GOSR1: variants seen among roughly 807,000 people sequenced by gnomAD.
The protein encoded by GOSR1 is 28 kDa Golgi SNARE protein.
A neutral mutation model predicts 35.5 loss-of-function variants in GOSR1; 21 were observed. The observed-to-expected ratio is 0.59, with a 90% CI of 0.42 to 0.85. The LOEUF is 0.85. GOSR1 is among the 40% of genes least tolerant of loss of function. The pLI is 0.00. For synonymous variants in GOSR1, 94 were observed against 106.6 expected (o/e 0.88, Z 0.73); for missense variants, 285 against 309.6 (o/e 0.92, Z 0.60).
At chr17:30,499,594 G>C (rs1036150622) in intron 6 of GOSR1, among the ~76,000 whole-genome samples, 6 of 152,186 alleles carry the variant, frequency 3.9e-5, no homozygotes, top group African/African-American at 1.4e-4. Context: ...ACCCGCCTTG[G>C]CCTCCCAAAG....
intron 7 of GOSR1, among the ~76,000 whole-genome samples, chr17:30,514,894 C>T (rs1020356072): frequency 6.6e-6 from 1 of 152,162 alleles, no homozygotes; most frequent in African/African-American, 2.4e-5. Flanking sequence ...TGAGCTCTTT[C>T]GTGAGAGACA....
chr17:30,513,994 T>G (rs745678749), intron 7 of GOSR1, among the ~76,000 whole-genome samples: 5 of 152,246 alleles, frequency 3.3e-5, no homozygotes, highest in Non-Finnish European at 5.9e-5. Flanking sequence ...AGCATAGGTT[T>G]GAAAGCTGTT....
Position 30,525,989 on chromosome 17 carries a change from C to T in GOSR1, c.*3611C>T, listed in dbSNP as rs1002988664. 4.6e-5 allele frequency: 7 copies of T among 152,212 alleles called. No individual in the cohort carries two copies. Among genetic ancestry groups the T allele is most frequent in the Non-Finnish European group, 7.3e-5 (5 of 68,058 alleles). 9.4% of individuals were successfully genotyped at this position (152,212 alleles called of 1,614,324 possible). A position where few individuals can be genotyped will look rare whatever the true frequency, so the allele number is the denominator to read the frequency against. On this transcript the variant is annotated 3_prime_UTR_variant, in exon 9 of 9. Coordinates refer to ENST00000451249, the MANE Select transcript of GOSR1 (RefSeq NM_001007025.2). ...TTAGGGTTTCTTTGCAGAAAGAAACCTCCAGCAAGGGAAGAGAGGTGTGTG... is the reference window on the plus strand; with the variant it reads ...TTAGGGTTTCTTTGCAGAAAGAAACTTCCAGCAAGGGAAGAGAGGTGTGTG...
At chr17:30,481,311 T>A in intron 2 of GOSR1, 54 bp downstream of exon 2, 1 of 1,369,554 alleles carries the variant, frequency 7.3e-7, no homozygotes, top group Non-Finnish European at 1.0e-6. Flanking sequence ...TTTTAAAGCA[T>A]TAAAAAATAA....
At chr17:30,488,401 T>G (rs987556759) in intron 4 of GOSR1, among the ~76,000 whole-genome samples, 6 of 151,874 alleles carry the variant, frequency 4.0e-5, no homozygotes, top group African/African-American at 1.5e-4. Flanking sequence ...CCTGACCTCA[T>G]GATCCGCCTG....
rs761734046 is a variant in GOSR1, at chr17:30,520,040, C to T, written c.622+19C>T. 14 of 1,504,628 alleles carry T rather than the reference C, an allele frequency of 9.3e-6. No individual in the cohort carries two copies. Among genetic ancestry groups the T allele is most frequent in the Admixed American group, 6.7e-5 (4 of 59,648 alleles). The allele number at this position is 1,504,628 out of a possible 1,614,324, so 93.2% of individuals were successfully genotyped here. A position where few individuals can be genotyped will look rare whatever the true frequency, so the allele number is the denominator to read the frequency against. On this transcript the variant is annotated intron_variant, in intron 8 of 8. Coordinates refer to ENST00000451249, the MANE Select transcript of GOSR1 (RefSeq NM_001007025.2). ...TTGGCCAGTATCCTTTTTGAATGTT[C>T]GCAGTCTGTGTTTTGAGGGTAGAGG...
At chr17:30,504,667 A>G (rs192976912) in intron 6 of GOSR1, among the ~76,000 whole-genome samples, 65 of 152,330 alleles carry the variant, frequency 4.3e-4, no homozygotes, top group African/African-American at 1.4e-3. Context: ...CTCATTACGT[A>G]ATGAGTACTA....
intron 1 of GOSR1, among the ~76,000 whole-genome samples, chr17:30,478,248 G>C (rs1914084689): frequency 6.6e-6 from 1 of 152,226 alleles, no homozygotes; most frequent in Non-Finnish European, 1.5e-5. Flanking sequence ...CAAGAGCAGA[G>C]AAAGCTCACC....
intron 7 of GOSR1, among the ~76,000 whole-genome samples, chr17:30,511,275 A>G (rs1967604141): frequency 1.3e-5 from 2 of 152,250 alleles, no homozygotes; most frequent in Non-Finnish European, 2.9e-5. Flanking sequence ...CTGTTATAGC[A>G]CCTGCAGAAA....
At position 30,524,324 on chromosome 17, in the gene GOSR1, T is replaced by G. The variant is rs1222489729; in HGVS notation, c.*1946T>G. On this transcript the variant is annotated 3_prime_UTR_variant, in exon 9 of 9. Transcript: ENST00000451249. ...TGCTATAGATTTCTACTCTGTCTCC[T>G]CAACTCTGTTGATATTTGGGGAAAA... The G allele has an allele frequency of 6.6e-6, 1 of 152,256 alleles. No homozygotes were observed. The highest frequency in any genetic ancestry group is 1.5e-5 in the Non-Finnish European group (1 of 68,040). The allele number at this position is 152,256 out of a possible 1,614,324, so 9.4% of individuals were successfully genotyped here.
At chr17:30,510,630 C>T (rs1337429885) in intron 6 of GOSR1, 1 of 257,190 alleles carries the variant, frequency 3.9e-6, no homozygotes, top group Non-Finnish European at 7.7e-6. Flanking sequence ...AGGAGAATAG[C>T]TTGAACCTAG....
At chr17:30,501,093 G>C (rs1412892951) in intron 6 of GOSR1, among the ~76,000 whole-genome samples, 2 of 151,934 alleles carry the variant, frequency 1.3e-5, no homozygotes, top group African/African-American at 4.8e-5. Flanking sequence ...TTTTAGCCGG[G>C]ATGGTCTCGA....
chr17:30,504,773 C>T (rs1048269588), intron 6 of GOSR1, among the ~76,000 whole-genome samples: 2 of 152,148 alleles, frequency 1.3e-5, no homozygotes, highest in African/African-American at 4.8e-5. Flanking sequence ...GAAAGTTGTT[C>T]CTTAGCGTCC....
intron 7 of GOSR1, among the ~76,000 whole-genome samples, chr17:30,513,246 C>T (rs1257191062): frequency 2.0e-5 from 3 of 151,982 alleles, no homozygotes; most frequent in African/African-American, 4.8e-5. Flanking sequence ...TCATTTCTAA[C>T]CTTTAAATGT....
rs191172082 is a variant in GOSR1 at position 30,519,598 on chromosome 17, T to A, written c.540-341T>A. The stretch of plus-strand genomic sequence containing the variant: ...GATATTTTAGTAGCTGGCTTCTTTT[T>A]AAACTCTTTTTAAACTTTTTAAAGT... On this transcript the variant is annotated intron_variant, in intron 7 of 8. Coordinates refer to ENST00000451249, the MANE Select transcript of GOSR1 (RefSeq NM_001007025.2). 4.7e-3 allele frequency: 787 copies of A among 168,262 alleles called. 2 individuals carry two copies. Among genetic ancestry groups the A allele is most frequent in the Non-Finnish European group, 8.1e-3 (644 of 79,070 alleles). The allele number at this position is 168,262 out of a possible 1,614,324, so 10.4% of individuals were successfully genotyped here. A position where few individuals can be genotyped will look rare whatever the true frequency, so the allele number is the denominator to read the frequency against.
chr17:30,506,763 GGCTTCAAA>G (rs957462929), intron 6 of GOSR1, among the ~76,000 whole-genome samples: 3 of 152,204 alleles, frequency 2.0e-5, no homozygotes, highest in Non-Finnish European at 4.4e-5. Context: ...GTCAGTGCCT[GGCTTCAAA>G]GCTTCAAAGG....
At chr17:30,514,389 C>T (rs1967725164) in intron 7 of GOSR1, among the ~76,000 whole-genome samples, 1 of 152,176 alleles carries the variant, frequency 6.6e-6, no homozygotes, top group African/African-American at 2.4e-5. Context: ...TGAACCATGT[C>T]CTTAGTAACT....
At chr17:30,508,044 C>A (rs1967471428) in intron 6 of GOSR1, among the ~76,000 whole-genome samples, 1 of 152,172 alleles carries the variant, frequency 6.6e-6, no homozygotes, top group Admixed American at 6.5e-5. Flanking sequence ...AGAAATCTCT[C>A]AAGGCCCCAG....
At chr17:30,517,853 T>C (rs917208979) in intron 7 of GOSR1, among the ~76,000 whole-genome samples, 1 of 152,204 alleles carries the variant, frequency 6.6e-6, no homozygotes, top group African/African-American at 2.4e-5. Flanking sequence ...CTTCTAGCAT[T>C]TCCCTTCAAT....
Sources: allele counts gnomAD v4.1 joint callset (sites outside exome capture counted in the v4.1 genomes callset), GRCh38; gene constraint gnomAD v4.1.1; transcripts MANE v1.5; gene names NCBI Gene and HGNC (gene_info 2026-07-23, HGNC 2026-07-21).